The following PXDNL variants were observed in gnomAD, a reference collection of about 807,000 sequenced individuals.
PXDNL encodes the protein probable oxidoreductase PXDNL.
A neutral mutation model predicts 150.8 loss-of-function variants in PXDNL; 145 were observed. The observed-to-expected ratio is 0.96, with a 90% confidence interval of 0.84 to 1.10. The LOEUF (loss-of-function observed/expected upper bound fraction) is 1.10. PXDNL is among the 50% of genes least tolerant of loss of function. The pLI is 0.00. For synonymous variants in PXDNL, 757 were observed against 725.7 expected, an observed-to-expected ratio of 1.04 and a Z score of -0.69; for missense variants, 2,087 against 1,873.9, an observed-to-expected ratio of 1.11 and a Z score of -2.10.
intron 3 of PXDNL, among the ~76,000 whole-genome samples, chr8:51,588,814 A>C (rs1008469697): frequency 2.0e-5 from 3 of 152,204 alleles, no homozygotes; most frequent in African/African-American, 4.8e-5. Context: ...AAGCTCCTTC[A>C]CTAATGAGGA....
At chr8:51,590,358 G>A (rs373906344) in intron 3 of PXDNL, among the ~76,000 whole-genome samples, 11 of 152,062 alleles carry the variant, frequency 7.2e-5, no homozygotes, top group African/African-American at 2.2e-4. Flanking sequence ...TAGTGGATCC[G>A]TGGGATTGGG....
In PXDNL at chr8:51,408,837, G is replaced by C; in HGVS notation, c.2787C>G (p.Ser929=). The C allele has an allele frequency of 5.7e-6, 9 of 1,574,994 alleles. No individual in the cohort carries two copies. The highest frequency in any genetic ancestry group is 1.2e-5 in the South Asian group (1 of 84,866). The change falls in exon 17 of 23, where the codon TCC becomes TCG. Residue 929 remains serine, a synonymous_variant. Transcript: ENST00000356297. The stretch of plus-strand genomic sequence containing the variant: ...TAGAAAAGGGCAATAAGGGCTTTCC[G>C]GAGGGAGGCCAAGGAAAGCCTGTCT... ...LLKTGFPWPP[S]GKPLLPFSTG...
chr8:51,563,833 A>G (rs773830536), intron 3 of PXDNL, among the ~76,000 whole-genome samples: 1 of 152,014 alleles, frequency 6.6e-6, no homozygotes, highest in African/African-American at 2.4e-5. Flanking sequence ...GCTCTGCTCA[A>G]TATATTTAAA....
chr8:51,740,128 C>T (rs1008346091), intron 1 of PXDNL, among the ~76,000 whole-genome samples: 1 of 151,602 alleles, frequency 6.6e-6, no homozygotes, highest in African/African-American at 2.4e-5. Context: ...CGTCCCAAAT[C>T]GATCCTGATG....
chr8:51,711,889 A>G (rs958100239), intron 1 of PXDNL, among the ~76,000 whole-genome samples: 3 of 152,228 alleles, frequency 2.0e-5, no homozygotes, highest in African/African-American at 7.2e-5. Context: ...CTGAAACACC[A>G]GGGGTTTGTT....
intron 17 of PXDNL, among the ~76,000 whole-genome samples, chr8:51,392,822 G>C (rs1423276504): frequency 2.0e-5 from 3 of 152,170 alleles, no homozygotes; most frequent in Admixed American, 6.5e-5. Context: ...TGAAAGCACA[G>C]ATTTTCAACA....
rs932132460 is a variant in PXDNL, at chr8:51,561,616, C to T, written c.309-4705G>A. Among the ~76,000 whole-genome samples, 6 of 151,630 alleles carry T rather than the reference C, an allele frequency of 4.0e-5. 1 individual carries two copies. Among genetic ancestry groups the T allele is most frequent in the South Asian group, 4.2e-4 (2 of 4,810 alleles). On this transcript the variant is annotated intron_variant, in intron 3 of 22. Transcript: ENST00000356297. The stretch of plus-strand genomic sequence containing the variant: ...GGACATTAAACTAAGTAAAGTAAAC[C>T]GGTCACAAGAAGACAAATACTATGT...
chr8:51,719,103 T>G (rs1382489520), intron 1 of PXDNL, among the ~76,000 whole-genome samples: 1 of 151,892 alleles, frequency 6.6e-6, no homozygotes, highest in African/African-American at 2.4e-5. Context: ...CGGCCGCCCC[T>G]TCTAGGAAGT....
intron 3 of PXDNL, among the ~76,000 whole-genome samples, chr8:51,577,983 GAAAGAAAGAAAGAAAGAGGAAGGA>G (rs1563471081): frequency 2.0e-3 from 159 of 81,480 alleles, no homozygotes; most frequent in Middle Eastern, 8.2e-3. Context: ...AAGAAAGAAA[GAAAGAAAGAAAGAAAGAGGAAGGA>G]AGGAAGGAAG....
intron 12 of PXDNL, among the ~76,000 whole-genome samples, chr8:51,438,149 C>T (rs1275916225): frequency 6.6e-6 from 1 of 152,102 alleles, no homozygotes; most frequent in Non-Finnish European, 1.5e-5. Flanking sequence ...CAAAACACTG[C>T]TGAAAGAAAT....
intron 8 of PXDNL, among the ~76,000 whole-genome samples, chr8:51,465,967 C>T (rs1294647614): frequency 6.6e-6 from 1 of 152,126 alleles, no homozygotes; most frequent in Non-Finnish European, 1.5e-5. Context: ...AATGGCCATA[C>T]TGCCCAAGGC....
At chr8:51,526,570 C>T (rs990302311) in intron 4 of PXDNL, among the ~76,000 whole-genome samples, 3 of 152,148 alleles carry the variant, frequency 2.0e-5, no homozygotes, top group African/African-American at 4.8e-5. Flanking sequence ...CTCCATCCAA[C>T]CTCCTCCTGC....
chr8:51,537,390 T>G (rs1210852642), intron 4 of PXDNL, among the ~76,000 whole-genome samples: 6 of 152,202 alleles, frequency 3.9e-5, no homozygotes, highest in Non-Finnish European at 7.3e-5. Context: ...AATCAGAAAC[T>G]CAGACATATA....
At chr8:51,711,976 G>A (rs1307453069) in intron 1 of PXDNL, among the ~76,000 whole-genome samples, 2 of 152,202 alleles carry the variant, frequency 1.3e-5, no homozygotes, top group Non-Finnish European at 2.9e-5. Context: ...TTTTACTCTG[G>A]TACTGCAGCC....
chr8:51,378,335 G>C (rs1302450073), intron 17 of PXDNL, among the ~76,000 whole-genome samples: 2 of 152,000 alleles, frequency 1.3e-5, no homozygotes, highest in African/African-American at 2.4e-5. Flanking sequence ...AGCACCCTGT[G>C]TCTAGCTCAA....
At chr8:51,634,755 C>A (rs1458498902) in intron 2 of PXDNL, among the ~76,000 whole-genome samples, 2 of 145,964 alleles carry the variant, frequency 1.4e-5, no homozygotes, top group African/African-American at 4.9e-5. Flanking sequence ...AATGGGATTG[C>A]ACTCTTGATA....
At chr8:51,494,484 C>T (rs530684662) in intron 5 of PXDNL, among the ~76,000 whole-genome samples, 38 of 152,154 alleles carry the variant, frequency 2.5e-4, no homozygotes, top group African/African-American at 8.9e-4. Context: ...CACAGACTGG[C>T]AAATTGGATA....
intron 4 of PXDNL, among the ~76,000 whole-genome samples, chr8:51,552,424 C>G (rs1419886657): frequency 6.6e-6 from 1 of 152,106 alleles, no homozygotes; most frequent in Non-Finnish European, 1.5e-5. Flanking sequence ...AATATGGAAC[C>G]AGCTTGAATG....
chr8:51,806,296 C>T (rs1297307450), intron 1 of PXDNL, among the ~76,000 whole-genome samples: 1 of 152,084 alleles, frequency 6.6e-6, no homozygotes, highest in Non-Finnish European at 1.5e-5. Context: ...ATTTACTAAG[C>T]ATGTTGGCCA....
Sources: gnomAD v4.1 joint callset for allele counts (sites outside exome capture counted in the v4.1 genomes callset) on GRCh38, gnomAD v4.1.1 for gene constraint, MANE v1.5 for transcripts, NCBI Gene and HGNC (gene_info 2026-07-23, HGNC 2026-07-21) for gene names.